VKORC1L1: variants seen among roughly 807,000 people sequenced by gnomAD.
The protein encoded by VKORC1L1 is vitamin K epoxide reductase complex subunit 1-like protein 1.
Under a neutral mutation model 18.9 loss-of-function variants are expected in VKORC1L1, and 2 were observed. The ratio of observed to expected loss-of-function variants is 0.11; its 90% CI spans 0.04 to 0.33. VKORC1L1 has a LOEUF of 0.33. Among genes scored for constraint, VKORC1L1 ranks in the 10% least tolerant of loss-of-function variants. VKORC1L1 has a pLI of 1.00. For missense variants in VKORC1L1, 123 were observed against 224.1 expected (o/e 0.55, Z 2.88); for synonymous variants, 96 against 100.0 (o/e 0.96, Z 0.24).
intron 1 of VKORC1L1, among the ~76,000 whole-genome samples, chr7:65,937,944 G>A (rs1049742088): frequency 6.6e-6 from 1 of 152,042 alleles, no homozygotes; most frequent in Non-Finnish European, 1.5e-5. Context: ...GCAGTGGCTC[G>A]TGTCTGTAAT....
At chr7:65,920,494 CAT>C (rs1789657620) in intron 1 of VKORC1L1, among the ~76,000 whole-genome samples, 1 of 152,092 alleles carries the variant, frequency 6.6e-6, no homozygotes, top group Non-Finnish European at 1.5e-5. Flanking sequence ...TATTGATTAA[CAT>C]ATAGATTCGT....
At chr7:65,930,203 A>G (rs1030200674) in intron 1 of VKORC1L1, among the ~76,000 whole-genome samples, 4 of 152,206 alleles carry the variant, frequency 2.6e-5, no homozygotes, top group African/African-American at 9.6e-5. Context: ...GACCACTCAA[A>G]TGAGGATGAG....
At chr7:65,949,977 A>C (rs936188368) in intron 2 of VKORC1L1, among the ~76,000 whole-genome samples, 1 of 152,176 alleles carries the variant, frequency 6.6e-6, no homozygotes, top group African/African-American at 2.4e-5. Flanking sequence ...GTATCAAAAA[A>C]CACAGATATT....
chr7:65,923,373 C>T (rs190187940), intron 1 of VKORC1L1, among the ~76,000 whole-genome samples: 1 of 151,582 alleles, frequency 6.6e-6, no homozygotes, highest in East Asian at 1.9e-4. Context: ...CCACTGCACT[C>T]CAGCCTAGGC....
chr7:65,871,711 G>C (rs573301351), upstream of VKORC1L1, among the ~76,000 whole-genome samples: 33 of 152,252 alleles, frequency 2.2e-4, no homozygotes, highest in African/African-American at 7.2e-4. Flanking sequence ...AGCCAGAGAG[G>C]ACCTCAGGCC....
rs869117096 is a variant in VKORC1L1 at position 65,946,991 on chromosome 7, AT to A, written c.195-1679del. On this transcript the variant is annotated intron_variant, in intron 1 of 2. Coordinates refer to ENST00000360768, the MANE Select transcript of VKORC1L1 (RefSeq NM_173517.6). ...TCTATAAAAAAATACCAAAAAAAAAATATATATATATAGCTGGGTGTGGTAG... is the reference window on the plus strand; with the variant it reads ...TCTATAAAAAAATACCAAAAAAAAAAATATATATATAGCTGGGTGTGGTAG... 5.8e-4 allele frequency among the ~76,000 whole-genome samples: 83 copies of A among 142,488 alleles called. 1 individual carries two copies. The highest frequency in any genetic ancestry group is 2.2e-3 in the African/African-American group (80 of 35,844). The allele number at this position is 142,488 out of a possible 152,430, so 93.5% of individuals were successfully genotyped here.
rs553139971 is a variant in VKORC1L1, at chr7:65,935,556, G to A, written c.195-13115G>A. Among the ~76,000 whole-genome samples the A allele has an allele frequency of 8.5e-5, 13 of 152,154 alleles. No homozygotes were observed. In the East Asian group the frequency reaches 1.5e-3, roughly 18 times the overall value. ...GATCTCCTGACCTCGTGATCCATCC[G>A]CCTCAGCCTCCCAAAGTGCTGGGAT... On this transcript the variant is annotated intron_variant, in intron 1 of 2. Coordinates refer to ENST00000360768, the MANE Select transcript of VKORC1L1 (RefSeq NM_173517.6).
At chr7:65,883,006 C>T (rs544192717) in intron 1 of VKORC1L1, among the ~76,000 whole-genome samples, 55 of 152,182 alleles carry the variant, frequency 3.6e-4, no homozygotes, top group Middle Eastern at 3.4e-3. Flanking sequence ...TTTGTGAATC[C>T]GGTTTTTCTT....
chr7:65,938,646 C>A (rs189900128), intron 1 of VKORC1L1, among the ~76,000 whole-genome samples: 1 of 152,190 alleles, frequency 6.6e-6, no homozygotes, highest in African/African-American at 2.4e-5. Context: ...CACCTCTGAA[C>A]GCAGGATGGT....
In VKORC1L1 at chr7:65,932,499, A is replaced by G. The variant is rs527419035; in HGVS notation, c.195-16172A>G. Among the ~76,000 whole-genome samples, 14 of 152,270 alleles carry G rather than the reference A, an allele frequency of 9.2e-5. No homozygotes were observed. In the East Asian group the frequency reaches 2.3e-3, roughly 25 times the overall value. ...TGCTATAAATTTCTCTCTCAGCACT[A>G]CTTTAGCTGCATAACACCAATTTTA... On this transcript the variant is annotated intron_variant, in intron 1 of 2. Coordinates refer to ENST00000360768, the MANE Select transcript of VKORC1L1 (RefSeq NM_173517.6).
chr7:65,873,318 G>A lies in VKORC1L1; in HGVS notation c.-54G>A. 1.5e-6 allele frequency: 2 copies of A among 1,320,464 alleles called. No homozygotes were observed. Among genetic ancestry groups the A allele is most frequent in the Non-Finnish European group, 2.0e-6 (2 of 1,021,956 alleles). The allele number at this position is 1,320,464 out of a possible 1,614,324, so 81.8% of individuals were successfully genotyped here. Reference sequence around the variant, plus strand: ...TGGCGGCTGGGTCGGGCCCCGACGGGCGGCGGCGGCTGAGGTGGAGGCGGA... The same window carrying A: ...TGGCGGCTGGGTCGGGCCCCGACGGACGGCGGCGGCTGAGGTGGAGGCGGA... On this transcript the variant is annotated 5_prime_UTR_variant, in exon 1 of 3. Transcript: ENST00000360768.
the VKORC1L1 span, among the ~76,000 whole-genome samples, chr7:65,866,841 G>A: frequency 6.6e-6 from 1 of 152,082 alleles, no homozygotes; most frequent in African/African-American, 2.4e-5. Context: ...TGAGCCTGGG[G>A]AGGTGAGACC....
chr7:65,933,231 T>G (rs1159120060), intron 1 of VKORC1L1, among the ~76,000 whole-genome samples: 1 of 152,138 alleles, frequency 6.6e-6, no homozygotes, highest in Admixed American at 6.6e-5. Context: ...AGAGAGAGAT[T>G]GAAGTCTTTA....
intron 1 of VKORC1L1, among the ~76,000 whole-genome samples, chr7:65,941,938 G>T (rs1180805070): frequency 2.0e-5 from 3 of 152,102 alleles, no homozygotes; most frequent in Non-Finnish European, 4.4e-5. Flanking sequence ...TGGAATTACA[G>T]GCGTGAGCCA....
chr7:65,918,524 C>CAA (rs1402514293), intron 1 of VKORC1L1, among the ~76,000 whole-genome samples: 1 of 152,182 alleles, frequency 6.6e-6, no homozygotes, highest in East Asian at 1.9e-4. Context: ...ATTTAAGAGT[C>CAA]AAACCTAGAG....
chr7:65,958,977 T>C lies in VKORC1L1; in HGVS notation c.*4677T>C, dbSNP rs1790348478. 6.6e-6 allele frequency: 1 copy of C among 152,128 alleles called. No individual in the cohort carries two copies. The highest frequency in any genetic ancestry group is 1.9e-4 in the East Asian group (1 of 5,194). 9.4% of individuals were successfully genotyped at this position (152,128 alleles called of 1,614,324 possible). ...GCCATACTTCACGGAATAGAACAAG[T>C]GTGTTCTGTGCTGGAGCTCAAGACC... On this transcript the variant is annotated 3_prime_UTR_variant, in exon 3 of 3. Transcript: ENST00000360768.
At chr7:65,907,306 G>A (rs573126188) in intron 1 of VKORC1L1, among the ~76,000 whole-genome samples, 2 of 152,014 alleles carry the variant, frequency 1.3e-5, no homozygotes, top group South Asian at 2.1e-4. Context: ...GCATGGTGGC[G>A]TGTGCCTATA....
At chr7:65,942,589 G>A (rs888378381) in intron 1 of VKORC1L1, among the ~76,000 whole-genome samples, 3 of 151,634 alleles carry the variant, frequency 2.0e-5, no homozygotes, top group African/African-American at 4.8e-5. Flanking sequence ...CTAGGCTGGA[G>A]TGCAGTGGCG....
rs529854725 is a variant in VKORC1L1, at chr7:65,945,137, A to T, written c.195-3534A>T. 3.2e-4 allele frequency among the ~76,000 whole-genome samples: 48 copies of T among 151,438 alleles called. 1 individual carries two copies. In the South Asian group the frequency reaches 9.6e-3, roughly 30 times the overall value. On this transcript the variant is annotated intron_variant, in intron 1 of 2. Coordinates refer to ENST00000360768, the MANE Select transcript of VKORC1L1 (RefSeq NM_173517.6). ...TTAGCTGGGCGTGGTGGCGGGTGCT[A>T]GTAATCCCAACTACTCAAAAGGCTG...
Sources: allele counts gnomAD v4.1 joint callset (sites outside exome capture counted in the v4.1 genomes callset), GRCh38; gene constraint gnomAD v4.1.1; transcripts MANE v1.5; gene names NCBI Gene and HGNC (gene_info 2026-07-23, HGNC 2026-07-21).